Variants in STARD9 observed in about 807,000 individuals in gnomAD.
STARD9 encodes StAR related lipid transfer domain containing 9.
In STARD9, 346 loss-of-function variants were observed where a neutral mutation model predicts 399.8. That is an observed-to-expected ratio of 0.87 (90% CI 0.79 to 0.95). The LOEUF (loss-of-function observed/expected upper bound fraction) is 0.95, where lower values mean the gene tolerates loss of function less well. Ranked by LOEUF, STARD9 falls within the 40% of genes least tolerant of loss-of-function variation. The pLI, the probability that STARD9 is intolerant of heterozygous loss-of-function variation, is 0.00. For synonymous variants in STARD9, 2,203 were observed against 2,143.5 expected, an observed-to-expected ratio of 1.03 and a Z score of -0.77; for missense variants, 5,832 against 5,667.5, an observed-to-expected ratio of 1.03 and a Z score of -0.93.
intron 1 of STARD9, among the ~76,000 whole-genome samples, chr15:42,579,682 C>T (rs1195209449): frequency 6.6e-6 from 1 of 152,088 alleles, no homozygotes; most frequent in African/African-American, 2.4e-5. Flanking sequence ...TTATCTATCC[C>T]AGCAGCCAAA....
chr15:42,675,907 G>A lies in STARD9; in HGVS notation c.1806G>A (p.Glu602=). ...GEAAAGRGSL[E]WLDLDGDLAA... is the part of the protein sequence containing the mutation. ...CTGCTGCTGGTCGTGGCTCGTTGGA[G>A]TGGCTGGATTTGGATGGAGATCTCG... Residue 602 remains glutamate (E), a synonymous_variant, in exon 20 of 33, where the codon GAG becomes GAA. Coordinates refer to ENST00000290607, the MANE Select transcript of STARD9 (RefSeq NM_020759.3). The A allele has an allele frequency of 6.5e-7, 1 of 1,537,226 alleles. No individual in the cohort carries two copies. The highest frequency in any genetic ancestry group is 8.7e-7 in the Non-Finnish European group (1 of 1,146,890).
chr15:42,607,444 C>A (rs746421424), intron 3 of STARD9, among the ~76,000 whole-genome samples: 2 of 151,820 alleles, frequency 1.3e-5, no homozygotes, highest in Non-Finnish European at 2.9e-5. Context: ...CTCAAGTGAT[C>A]TGCCCACCTC....
chr15:42,593,551 C>CA (rs1001334243), intron 3 of STARD9, among the ~76,000 whole-genome samples: 49 of 139,694 alleles, frequency 3.5e-4, no homozygotes, highest in Admixed American at 1.7e-3. Flanking sequence ...ATTTCCAGAC[C>CA]AAAAAAAAAA....
At chr15:42,596,220 G>A (rs531300235) in intron 3 of STARD9, among the ~76,000 whole-genome samples, 38 of 152,294 alleles carry the variant, frequency 2.5e-4, no homozygotes, top group African/African-American at 8.7e-4. Flanking sequence ...ATAGTCATTT[G>A]CAGATGACCA....
In STARD9 at chr15:42,585,629, C is replaced by A. The variant is rs1000479410; in HGVS notation, c.226C>A (p.Gln76Lys). Reference protein sequence around the residue: ...VNPEDPQYASQDVVFQDLGME... With the variant: ...VNPEDPQYASKDVVFQDLGME... The stretch of plus-strand genomic sequence containing the variant: ...CCCAGAGGATCCCCAGTATGCATCT[C>A]AAGATGTGGTAATATCATTTATCAT... Residue 76 changes from glutamine (Q) to lysine (K), a missense_variant, in exon 3 of 33, where the codon CAA (glutamine) becomes AAA (lysine). By Grantham distance (53) the Gln-to-Lys change is moderately conservative. Around this residue, in one of 2 missense-constraint regions of STARD9, gnomAD observed 5,828 missense variants for 5,651.1 expected, o/e 1.03. Transcript: ENST00000290607. 6.6e-7 allele frequency: 1 copy of A among 1,522,104 alleles called. No homozygotes were observed. Among genetic ancestry groups the A allele is most frequent in the Admixed American group, 2.0e-5 (1 of 50,950 alleles). The allele number at this position is 1,522,104 out of a possible 1,614,324, so 94.3% of individuals were successfully genotyped here. A position where few individuals can be genotyped will look rare whatever the true frequency, so the allele number is the denominator to read the frequency against.
At chr15:42,619,178 A>G (rs1328599345) in intron 3 of STARD9, among the ~76,000 whole-genome samples, 1 of 152,112 alleles carries the variant, frequency 6.6e-6, no homozygotes, top group Non-Finnish European at 1.5e-5. Context: ...TCTTGTAATC[A>G]CCACAGACAG....
intron 10 of STARD9, among the ~76,000 whole-genome samples, chr15:42,662,444 C>T (rs189020874): frequency 2.3e-4 from 35 of 152,106 alleles, no homozygotes; most frequent in Admixed American, 9.2e-4. Flanking sequence ...GCACAAATAC[C>T]ATAAAACTAT....
chr15:42,641,353 C>T (rs1457198728), intron 7 of STARD9, among the ~76,000 whole-genome samples: 1 of 152,080 alleles, frequency 6.6e-6, no homozygotes, highest in Non-Finnish European at 1.5e-5. Context: ...TACAGGTGGA[C>T]ATTTCGTTGT....
At chr15:42,611,745 G>C (rs1025058743) in intron 3 of STARD9, among the ~76,000 whole-genome samples, 2 of 152,166 alleles carry the variant, frequency 1.3e-5, no homozygotes, top group African/African-American at 4.8e-5. Context: ...AGGATACAAG[G>C]ACGAGGGGTG....
At position 42,693,717 on chromosome 15, in the gene STARD9, A is replaced by G. The variant is rs1354644071; in HGVS notation, c.12139A>G (p.Arg4047Gly). 1.3e-5 allele frequency: 20 copies of G among 1,536,894 alleles called. No individual in the cohort carries two copies. Among genetic ancestry groups the G allele is most frequent in the South Asian group, 1.2e-5 (1 of 84,068 alleles). ...ASPEHCPLSG[R>G]EPSQWQSRTE... The stretch of plus-strand genomic sequence containing the variant: ...CCCGGAGCATTGCCCACTGAGCGGT[A>G]GGGAGCCAAGTCAGTGGCAGAGCAG... Residue 4047 changes from arginine to glycine, a missense_variant, in exon 23 of 33, where the codon AGG (arginine) becomes GGG (glycine). Around this residue, in one of 2 missense-constraint regions of STARD9, gnomAD observed 5,828 missense variants for 5,651.1 expected, o/e 1.03. Transcript: ENST00000290607.
At chr15:42,662,484 T>G (rs115887309) in intron 10 of STARD9, among the ~76,000 whole-genome samples, 1,586 of 152,140 alleles carry the variant, frequency 0.01, 25 homozygotes, top group African/African-American at 0.035. Flanking sequence ...AATAGAGAAG[T>G]GAATATACCA....
intron 17 of STARD9, 138 bp downstream of exon 17, chr15:42,674,629 G>C (rs1336518573): frequency 1.7e-6 from 2 of 1,207,694 alleles, no homozygotes; most frequent in East Asian, 5.1e-5. Context: ...TCTGCTGCTA[G>C]GTTTCAGGTC....
intron 3 of STARD9, among the ~76,000 whole-genome samples, chr15:42,631,254 C>G: frequency 6.6e-6 from 1 of 152,022 alleles, no homozygotes; most frequent in Admixed American, 6.6e-5. Context: ...TACACTGTAT[C>G]CCATTTGTTT....
At position 42,692,967 on chromosome 15, in the gene STARD9, C is replaced by T; in HGVS notation, c.11389C>T (p.Leu3797Phe). The stretch of plus-strand genomic sequence containing the variant: ...GGAAACAGCACAGAAAATGGCTCAG[C>T]TCCTCTATCTTCAGGAAGAAAGCAC... ...AEETAQKMAQ[L>F]LYLQEESTPY... Residue 3797 changes from leucine (L) to phenylalanine (F), a missense_variant, in exon 23 of 33, where the codon CTC becomes TTC. Physicochemically the swap from Leu to Phe is conservative, Grantham distance 22 (BLOSUM62 0). This residue lies in a region of STARD9 where 5,828 missense variants were observed against 5,651.1 expected (regional missense o/e 1.03). Coordinates refer to ENST00000290607, the MANE Select transcript of STARD9 (RefSeq NM_020759.3). The T allele has an allele frequency of 1.3e-6, 2 of 1,537,236 alleles. No individual in the cohort carries two copies. The highest frequency in any genetic ancestry group is 8.7e-7 in the Non-Finnish European group (1 of 1,146,898).
intron 1 of STARD9, among the ~76,000 whole-genome samples, chr15:42,578,433 G>C (rs1327822692): frequency 6.6e-6 from 1 of 152,080 alleles, no homozygotes; most frequent in Non-Finnish European, 1.5e-5. Flanking sequence ...TGCTGTATAG[G>C]AAATGGTTTT....
At chr15:42,593,008 C>T (rs1020206446) in intron 3 of STARD9, among the ~76,000 whole-genome samples, 4 of 152,046 alleles carry the variant, frequency 2.6e-5, no homozygotes, top group Non-Finnish European at 4.4e-5. Context: ...TCATATATGC[C>T]TCAAAGAGTT....
intron 3 of STARD9, among the ~76,000 whole-genome samples, chr15:42,592,094 G>A (rs993049753): frequency 1.1e-4 from 16 of 152,120 alleles, no homozygotes; most frequent in African/African-American, 3.9e-4. Flanking sequence ...ATCTCTTTAT[G>A]TATATTTGAT....
At chr15:42,700,211 T>C (rs1432621106) in intron 26 of STARD9, among the ~76,000 whole-genome samples, 1 of 152,252 alleles carries the variant, frequency 6.6e-6, no homozygotes, top group African/African-American at 2.4e-5. Context: ...TTTCATCTCT[T>C]GGTTATTGTG....
At chr15:42,618,926 T>G (rs749820247) in intron 3 of STARD9, among the ~76,000 whole-genome samples, 1 of 152,160 alleles carries the variant, frequency 6.6e-6, no homozygotes, top group Non-Finnish European at 1.5e-5. Flanking sequence ...ATATTTTTTT[T>G]AATCTTTTCC....
Sources: gnomAD v4.1 joint callset for allele counts (sites outside exome capture counted in the v4.1 genomes callset) on GRCh38, gnomAD v4.1.1 for gene constraint, gnomAD v4.1.1 regional missense constraint, MANE v1.5 for transcripts, NCBI Gene and HGNC (gene_info 2026-07-23, HGNC 2026-07-21) for gene names.